The following CNTN4 variants were observed in gnomAD, a reference collection of about 807,000 sequenced individuals.
The protein encoded by CNTN4 is contactin-4.
Under a neutral mutation model 122.5 loss-of-function variants are expected in CNTN4, and 77 were observed. That is an observed-to-expected ratio of 0.63 (90% CI 0.52 to 0.76). The LOEUF (loss-of-function observed/expected upper bound fraction) is 0.76. Ranked by LOEUF, CNTN4 falls within the 30% of genes least tolerant of loss-of-function variation. The probability of loss-of-function intolerance (pLI) is 0.00; values close to 1 mark genes in which losing one functional copy is unlikely to be tolerated. For synonymous variants in CNTN4, 512 were observed against 447.0 expected, an observed-to-expected ratio of 1.15 and a Z score of -1.83; for missense variants, 1,256 against 1,259.1, an observed-to-expected ratio of 1.00 and a Z score of 0.04.
Position 2,634,019 on chromosome 3 carries a change from T to A in CNTN4, c.55+62461T>A, listed in dbSNP as rs142066095. Among the ~76,000 whole-genome samples the A allele has an allele frequency of 6.0e-3, 913 of 152,260 alleles. 8 individuals are homozygous for A. The highest frequency in any genetic ancestry group is 9.9e-3 in the Admixed American group (152 of 15,300). On this transcript the variant is annotated intron_variant, in intron 4 of 24. Coordinates refer to ENST00000418658, the MANE Select transcript of CNTN4 (RefSeq NM_175607.3). ...TATCCCTTACAAGAACAGATAAACA[T>A]AGTGGTTGGGAAACAATTTAAATTG...
At chr3:2,176,956 A>C (rs1169845692) in intron 2 of CNTN4, among the ~76,000 whole-genome samples, 1 of 152,166 alleles carries the variant, frequency 6.6e-6, no homozygotes, top group East Asian at 1.9e-4. Flanking sequence ...CTTTGTACCC[A>C]AGAAAACCTA....
intron 13 of CNTN4, among the ~76,000 whole-genome samples, chr3:2,962,765 A>G (rs2094874839): frequency 6.6e-6 from 1 of 152,244 alleles, no homozygotes; most frequent in Non-Finnish European, 1.5e-5. Flanking sequence ...AAAAGAACAT[A>G]TGAGTACTAT....
chr3:3,042,951 C>T (rs1466741732), intron 21 of CNTN4, 26 bp from the exon 22 acceptor site: 1 of 1,597,390 alleles, frequency 6.3e-7, no homozygotes, highest in African/African-American at 1.3e-5. Context: ...GTATGGTTTC[C>T]AAGGTCTTTC....
intron 3 of CNTN4, among the ~76,000 whole-genome samples, chr3:2,461,493 C>G (rs1167685327): frequency 1.3e-5 from 2 of 152,124 alleles, no homozygotes; most frequent in Non-Finnish European, 2.9e-5. Flanking sequence ...CCAGGCTGGC[C>G]AGCTACTAAG....
At chr3:2,725,775 T>A (rs909095065) in intron 4 of CNTN4, among the ~76,000 whole-genome samples, 2 of 152,136 alleles carry the variant, frequency 1.3e-5, no homozygotes, top group African/African-American at 2.4e-5. Context: ...CCTGCCACAT[T>A]GCTGAAGACC....
chr3:2,469,519 A>G (rs1013926610), intron 3 of CNTN4, among the ~76,000 whole-genome samples: 3 of 152,240 alleles, frequency 2.0e-5, no homozygotes, highest in Admixed American at 2.0e-4. Context: ...AACTCTTAAA[A>G]GGAAAAATGC....
At chr3:2,526,182 C>A (rs1415031730) in intron 3 of CNTN4, among the ~76,000 whole-genome samples, 1 of 152,102 alleles carries the variant, frequency 6.6e-6, no homozygotes, top group Non-Finnish European at 1.5e-5. Flanking sequence ...CCTTCATGCG[C>A]CCCACAATCT....
At chr3:2,161,109 A>G (rs2149176013) in intron 2 of CNTN4, among the ~76,000 whole-genome samples, 1 of 152,216 alleles carries the variant, frequency 6.6e-6, no homozygotes, top group Non-Finnish European at 1.5e-5. Flanking sequence ...GACCTAAGGT[A>G]TAATTATTTT....
chr3:2,710,010 T>C (rs1392500812), intron 4 of CNTN4, among the ~76,000 whole-genome samples: 1 of 152,246 alleles, frequency 6.6e-6, no homozygotes, highest in Non-Finnish European at 1.5e-5. Context: ...TGTCGCTCTA[T>C]AGATGTCATT....
intron 3 of CNTN4, among the ~76,000 whole-genome samples, chr3:2,420,270 G>A (rs1470271511): frequency 6.6e-6 from 1 of 152,092 alleles, no homozygotes; most frequent in Non-Finnish European, 1.5e-5. Context: ...TAAGGAGAAA[G>A]AAAACCCTCT....
chr3:2,603,264 T>C (rs1224068622), intron 4 of CNTN4, among the ~76,000 whole-genome samples: 5 of 152,198 alleles, frequency 3.3e-5, no homozygotes, highest in African/African-American at 1.2e-4. Context: ...TAATGAGATT[T>C]GAAATGCAGC....
intron 2 of CNTN4, among the ~76,000 whole-genome samples, chr3:2,173,065 C>G (rs1005389157): frequency 6.6e-5 from 10 of 152,122 alleles, no homozygotes; most frequent in Admixed American, 6.5e-4. Flanking sequence ...GTTTGGATTT[C>G]TAAATTGGGG....
intron 2 of CNTN4, among the ~76,000 whole-genome samples, chr3:2,141,663 ATTAATCT>A (rs1334056234): frequency 3.3e-5 from 5 of 152,166 alleles, no homozygotes; most frequent in Admixed American, 2.6e-4. Flanking sequence ...GCCTTTTGAG[ATTAATCT>A]TTAACTCATA....
chr3:2,324,587 C>T (rs1487770619), intron 2 of CNTN4, among the ~76,000 whole-genome samples: 1 of 152,100 alleles, frequency 6.6e-6, no homozygotes, highest in Non-Finnish European at 1.5e-5. Context: ...TTCTGTTTCT[C>T]TTTGTGTCCC....
At chr3:2,180,186 T>G (rs1397337226) in intron 2 of CNTN4, among the ~76,000 whole-genome samples, 1 of 152,012 alleles carries the variant, frequency 6.6e-6, no homozygotes, top group South Asian at 2.1e-4. Flanking sequence ...AAATAATACA[T>G]CTAGCCTAAA....
chr3:2,101,735 T>C (rs887609102), intron 2 of CNTN4, among the ~76,000 whole-genome samples: 1 of 151,918 alleles, frequency 6.6e-6, no homozygotes, highest in Non-Finnish European at 1.5e-5. Context: ...CATGCTGTTA[T>C]ATGATACACT....
At position 2,632,227 on chromosome 3, in the gene CNTN4, C is replaced by T. The variant is rs974492168; in HGVS notation, c.55+60669C>T. Among the ~76,000 whole-genome samples the T allele has an allele frequency of 4.9e-4, 74 of 152,248 alleles. 1 individual carries two copies. The highest frequency in any genetic ancestry group is 1.7e-3 in the African/African-American group (72 of 41,554). On this transcript the variant is annotated intron_variant, in intron 4 of 24. Coordinates refer to ENST00000418658, the MANE Select transcript of CNTN4 (RefSeq NM_175607.3). ...CATCTGGTACATTTTCTACCTAGTG[C>T]AGTCGTATCTTATTTAGAGTCTCAT...
intron 3 of CNTN4, among the ~76,000 whole-genome samples, chr3:2,368,845 C>T (rs1016024082): frequency 8.5e-5 from 13 of 152,110 alleles, no homozygotes; most frequent in Non-Finnish European, 1.2e-4. Flanking sequence ...GAAATGATAA[C>T]GTAAAATTGG....
intron 3 of CNTN4, among the ~76,000 whole-genome samples, chr3:2,401,544 T>A (rs1502592): frequency 0.29 from 44,079 of 152,036 alleles, 7,088 homozygotes; most frequent in Admixed American, 0.39. Flanking sequence ...TTTTTTTCTG[T>A]AAAATAATCA....
Sources: allele counts gnomAD v4.1 joint callset (sites outside exome capture counted in the v4.1 genomes callset), GRCh38; gene constraint gnomAD v4.1.1; transcripts MANE v1.5; gene names NCBI Gene and HGNC (gene_info 2026-07-23, HGNC 2026-07-21).